ITPR2: variants seen among roughly 807,000 people sequenced by gnomAD.
ITPR2 encodes the protein inositol 1,4,5-trisphosphate-gated calcium channel ITPR2.
A neutral mutation model predicts 317.1 loss-of-function variants in ITPR2; 207 were observed. That is an observed-to-expected ratio of 0.65 (90% CI 0.58 to 0.73). The LOEUF is 0.73. ITPR2 is among the 30% of genes least tolerant of loss of function. ITPR2 has a pLI of 0.00. For synonymous variants in ITPR2, 1,156 were observed against 1,149.1 expected (o/e 1.01, Z -0.12); for missense variants, 2,613 against 3,284.0 (o/e 0.80, Z 4.99).
chr12:26,564,346 T>C (rs1381929718), intron 34 of ITPR2, among the ~76,000 whole-genome samples: 1 of 152,176 alleles, frequency 6.6e-6, no homozygotes, highest in Non-Finnish European at 1.5e-5. Context: ...ACAACTTCCT[T>C]GAGCTTAAGA....
Position 26,717,378 on chromosome 12 carries a change from G to A in ITPR2, c.526-1136C>T, listed in dbSNP as rs186717743. ...ACGGAGGAGTCCATGCTCACATATG[G>A]TACTGTTGTCACAAACTATATCTGG... On this transcript the variant is annotated intron_variant, in intron 5 of 56. Transcript: ENST00000381340. Among the ~76,000 whole-genome samples, 38 of 152,274 alleles carry A rather than the reference G, an allele frequency of 2.5e-4. No individual in the cohort carries two copies. The East Asian group carries it at 7.3e-3, about 29-fold the overall frequency.
intron 34 of ITPR2, among the ~76,000 whole-genome samples, chr12:26,572,865 G>T (rs569472730): frequency 6.6e-6 from 1 of 151,994 alleles, no homozygotes; most frequent in African/African-American, 2.4e-5. Flanking sequence ...AAAATTTGTT[G>T]TAATTTTGTC....
chr12:26,490,084 TAA>T (rs1467353167), intron 39 of ITPR2, among the ~76,000 whole-genome samples: 2 of 152,218 alleles, frequency 1.3e-5, no homozygotes, highest in Non-Finnish European at 2.9e-5. Context: ...TTTTCATATA[TAA>T]GAGTAATTTA....
At chr12:26,446,506 C>T (rs1281338547) in intron 45 of ITPR2, among the ~76,000 whole-genome samples, 1 of 152,002 alleles carries the variant, frequency 6.6e-6, no homozygotes, top group Non-Finnish European at 1.5e-5. Context: ...TTTATGATCA[C>T]TTTATAGGGT....
At chr12:26,392,646 G>A (rs1229092948) in intron 54 of ITPR2, among the ~76,000 whole-genome samples, 1 of 152,220 alleles carries the variant, frequency 6.6e-6, no homozygotes. Context: ...AGACTGAAGA[G>A]GCATTTTGGA....
intron 34 of ITPR2, among the ~76,000 whole-genome samples, chr12:26,569,861 A>T (rs1237579064): frequency 2.6e-5 from 4 of 152,240 alleles, no homozygotes; most frequent in Non-Finnish European, 4.4e-5. Context: ...GTGTAAATTG[A>T]ACAATCTCTA....
chr12:26,383,474 G>T (rs905221721), intron 55 of ITPR2, among the ~76,000 whole-genome samples: 18 of 140,244 alleles, frequency 1.3e-4, no homozygotes, highest in Non-Finnish European at 2.2e-4. Flanking sequence ...TTTTTTGTTT[G>T]TTTGTTTGTT....
intron 2 of ITPR2, among the ~76,000 whole-genome samples, chr12:26,726,660 C>T (rs1948930401): frequency 6.6e-6 from 1 of 152,148 alleles, no homozygotes; most frequent in Non-Finnish European, 1.5e-5. Context: ...TCTCATTCGA[C>T]AAATAACTAT....
chr12:26,425,691 T>C (rs1565519689), intron 49 of ITPR2, among the ~76,000 whole-genome samples: 1 of 149,992 alleles, frequency 6.7e-6, no homozygotes, highest in Non-Finnish European at 1.5e-5. Context: ...AAAAACGCTC[T>C]GAGCTGGTAG....
intron 46 of ITPR2, among the ~76,000 whole-genome samples, chr12:26,440,637 T>C (rs1289190313): frequency 2.0e-5 from 3 of 152,128 alleles, no homozygotes; most frequent in Non-Finnish European, 4.4e-5. Flanking sequence ...TTTAGTAGGG[T>C]AAATAAAAAT....
chr12:26,621,154 C>T lies in ITPR2; in HGVS notation c.3431G>A (p.Ser1144Asn). The T allele has an allele frequency of 6.2e-7, 1 of 1,613,670 alleles. No individual in the cohort carries two copies. Among genetic ancestry groups the T allele is most frequent in the Admixed American group, 1.7e-5 (1 of 59,960 alleles). The change falls in exon 26 of 57, where the codon AGT becomes AAT. Residue 1144 changes from serine to asparagine, a missense_variant. Coordinates refer to ENST00000381340, the MANE Select transcript of ITPR2 (RefSeq NM_002223.4). ...SNYENGEIGE[S>N]QVKGGEEPIE... ...TGGCTCTTCACCACCTTTCACTTGA[C>T]TTTCCCCTATTTCTCCATTCTCATA... is the stretch of plus-strand genomic sequence containing the variant.
At chr12:26,567,555 A>G (rs919380442) in intron 34 of ITPR2, among the ~76,000 whole-genome samples, 2 of 152,150 alleles carry the variant, frequency 1.3e-5, no homozygotes, top group Non-Finnish European at 2.9e-5. Context: ...CTAAATGACA[A>G]TTTTTAGGCA....
Position 26,480,762 on chromosome 12 carries a change from C to T in ITPR2, c.6123+369G>A, listed in dbSNP as rs372404948. Among the ~76,000 whole-genome samples, 322 of 152,232 alleles carry T rather than the reference C, an allele frequency of 2.1e-3. 2 individuals carry two copies. The highest frequency in any genetic ancestry group is 7.1e-3 in the African/African-American group (296 of 41,530). On this transcript the variant is annotated intron_variant, in intron 43 of 56. Transcript: ENST00000381340. The stretch of plus-strand genomic sequence containing the variant: ...GGCTGAGGCAGGAGAATCACTTGAA[C>T]CTGGGAGGAGGAGGTTGCAGTGAGC...
chr12:26,466,015 T>G (rs61913997), intron 45 of ITPR2, among the ~76,000 whole-genome samples: 14,027 of 152,236 alleles, frequency 0.092, 1,372 homozygotes, highest in African/African-American at 0.23. Flanking sequence ...TGATTTAATA[T>G]GATAATCTCT....
intron 9 of ITPR2, among the ~76,000 whole-genome samples, chr12:26,699,735 C>T (rs998631659): frequency 6.6e-6 from 1 of 152,116 alleles, no homozygotes; most frequent in African/African-American, 2.4e-5. Context: ...CCAACGTTAA[C>T]TATTAAAGGC....
At chr12:26,495,324 T>C (rs894257076) in intron 37 of ITPR2, 64 bp from the exon 38 acceptor site, 1 of 860,462 alleles carries the variant, frequency 1.2e-6, no homozygotes, top group South Asian at 1.6e-5. Context: ...AATGTCAGTA[T>C]GTTAAATGCT....
At chr12:26,387,351 A>C in intron 55 of ITPR2, 83 bp downstream of exon 55, 2 of 1,280,438 alleles carry the variant, frequency 1.6e-6, no homozygotes, top group African/African-American at 3.0e-5. Context: ...CAATCTTCAT[A>C]TTTTGGGAGG....
intron 50 of ITPR2, among the ~76,000 whole-genome samples, chr12:26,417,416 T>C (rs1565515109): frequency 1.3e-5 from 2 of 152,174 alleles, no homozygotes; most frequent in African/African-American, 4.8e-5. Context: ...TCATCTCGAA[T>C]TGTAATCGCC....
intron 55 of ITPR2, among the ~76,000 whole-genome samples, chr12:26,346,264 A>C (rs1198998253): frequency 6.6e-6 from 1 of 152,220 alleles, no homozygotes; most frequent in Non-Finnish European, 1.5e-5. Flanking sequence ...TTAAAAGACC[A>C]TTAGATAGAA....
Sources: gnomAD v4.1 joint callset for allele counts (sites outside exome capture counted in the v4.1 genomes callset) on GRCh38, gnomAD v4.1.1 for gene constraint, MANE v1.5 for transcripts, NCBI Gene and HGNC (gene_info 2026-07-23, HGNC 2026-07-21) for gene names.